ACOX3: variants seen among roughly 807,000 people sequenced by gnomAD.
ACOX3 encodes the protein acyl-CoA oxidase 3, pristanoyl.
A neutral mutation model predicts 81.5 loss-of-function variants in ACOX3; 73 were observed. The ratio of observed to expected loss-of-function variants is 0.90; its 90% CI spans 0.74 to 1.09. The LOEUF is 1.09. Ranked by LOEUF, ACOX3 falls within the 50% of genes least tolerant of loss-of-function variation. The pLI is 0.00. For synonymous variants in ACOX3, 387 were observed against 375.1 expected (o/e 1.03, Z -0.37); for missense variants, 947 against 928.0 (o/e 1.02, Z -0.27).
At chr4:8,396,116 G>A (rs1719661833) in intron 9 of ACOX3, among the ~76,000 whole-genome samples, 1 of 152,194 alleles carries the variant, frequency 6.6e-6, no homozygotes, top group South Asian at 2.1e-4. Context: ...CTGCATCTGT[G>A]CATGTCAACA....
At position 8,414,272 on chromosome 4, in the gene ACOX3, C is replaced by G. The variant is rs181404870; in HGVS notation, c.543+20G>C. 1.1e-5 allele frequency: 17 copies of G among 1,604,926 alleles called. 1 individual carries two copies. In the South Asian group the frequency reaches 1.9e-4, roughly 18 times the overall value. On this transcript the variant is annotated intron_variant, in intron 5 of 17. Transcript: ENST00000356406. This position sits in a 1 kb window ranked among gnomAD's most constrained non-coding sequence, Gnocchi z 6.1. ...CTCATATGCTCCAAACTCAGGGACC[C>G]GGGGGAAGGTAATACCTACCTCAGT...
At position 8,375,032 on chromosome 4, in the gene ACOX3, T is replaced by C. The variant is rs1158490632; in HGVS notation, c.1774A>G (p.Ser592Gly). 1.3e-6 allele frequency: 2 copies of C among 1,555,144 alleles called. No homozygotes were observed. Among genetic ancestry groups the C allele is most frequent in the Admixed American group, 3.9e-5 (2 of 51,192 alleles). ...AGGGACCACAGGGCGTACAGAGCAC[T>C]GAGCCGCCCCAGCACGGCCCGCAGC... is the stretch of plus-strand genomic sequence containing the variant. Reference protein sequence around the residue: ...PSLRAVLGRLSALYALWSLSR... With the variant: ...PSLRAVLGRLGALYALWSLSR... The change falls in exon 15 of 18, where the codon AGT becomes GGT. Residue 592 changes from serine to glycine, a missense_variant. Coordinates refer to ENST00000356406, the MANE Select transcript of ACOX3 (RefSeq NM_003501.3).
intron 11 of ACOX3, among the ~76,000 whole-genome samples, chr4:8,390,018 G>A (rs888417000): frequency 1.3e-5 from 2 of 150,656 alleles, no homozygotes; most frequent in Non-Finnish European, 2.9e-5. Flanking sequence ...CAGGAGAATC[G>A]CTTGAGCCTG....
Position 8,431,540 on chromosome 4 carries a change from G to A in ACOX3, c.-15+9108C>T, listed in dbSNP as rs540326971. On this transcript the variant is annotated intron_variant, in intron 1 of 17. Transcript: ENST00000356406. The surrounding 1 kb of genome is among the most constrained non-coding windows in gnomAD (Gnocchi z 5.3). The stretch of plus-strand genomic sequence containing the variant: ...ACACTCTGTTGTATTTGGGACCTGG[G>A]TGGATGGAGATGCCACTGGGACTGA... Among the ~76,000 whole-genome samples, 54 of 152,376 alleles carry A rather than the reference G, an allele frequency of 3.5e-4. No homozygotes were observed. The highest frequency in any genetic ancestry group is 1.3e-3 in the African/African-American group (54 of 41,588).
At position 8,366,930 on chromosome 4, in the gene ACOX3, A is replaced by C. The variant is rs193113280; in HGVS notation, c.*31T>G. The stretch of plus-strand genomic sequence containing the variant: ...ACGTCTGATTAGTTCCCTTCGTTTC[A>C]TTAGACTTGGCTGAATGTGTGCCAG... On this transcript the variant is annotated 3_prime_UTR_variant, in exon 18 of 18. Transcript: ENST00000356406. 1 of 1,611,882 alleles carries C rather than the reference A, an allele frequency of 6.2e-7. No individual in the cohort carries two copies. Among genetic ancestry groups the C allele is most frequent in the East Asian group, 2.2e-5 (1 of 44,800 alleles).
Position 8,418,625 on chromosome 4 carries a change from C to T in ACOX3, c.-14-2090G>A, listed in dbSNP as rs189133568. Reference sequence around the variant, plus strand: ...CACACCTGTAATCCCTTTGGGAGGCCGAGACGGGCGGATCACCTGAGGTCA... The same window carrying T: ...CACACCTGTAATCCCTTTGGGAGGCTGAGACGGGCGGATCACCTGAGGTCA... On this transcript the variant is annotated intron_variant, in intron 1 of 17. Transcript: ENST00000356406. Among the ~76,000 whole-genome samples the T allele has an allele frequency of 2.9e-3, 438 of 152,220 alleles. 1 individual carries two copies. The highest frequency in any genetic ancestry group is 9.8e-3 in the African/African-American group (405 of 41,532).
At position 8,375,109 on chromosome 4, in the gene ACOX3, G is replaced by A. The variant is rs777391640; in HGVS notation, c.1697C>T (p.Thr566Met). The A allele has an allele frequency of 2.6e-6, 4 of 1,554,744 alleles. No individual in the cohort carries two copies. Among genetic ancestry groups the A allele is most frequent in the South Asian group, 2.4e-5 (2 of 84,404 alleles). ...GTGCTCGTGGAACCTCTGGACCACC[G>A]TGAGCTCCACGAAGGCCAGCGCCAA... ...RPLALAFVEL[T>M]VVQRFHEHVH... Residue 566 changes from threonine (T) to methionine (M), a missense_variant, in exon 15 of 18, where the codon ACG (threonine) becomes ATG (methionine). Transcript: ENST00000356406.
Position 8,366,862 on chromosome 4 carries a change from A to C in ACOX3, c.*99T>G. The C allele has an allele frequency of 1.3e-6, 2 of 1,516,740 alleles. No individual in the cohort carries two copies. The highest frequency in any genetic ancestry group is 2.7e-5 in the African/African-American group (2 of 73,054). The allele number at this position is 1,516,740 out of a possible 1,614,324, so 94.0% of individuals were successfully genotyped here. A position where few individuals can be genotyped will look rare whatever the true frequency, so the allele number is the denominator to read the frequency against. On this transcript the variant is annotated 3_prime_UTR_variant, in exon 18 of 18. Coordinates refer to ENST00000356406, the MANE Select transcript of ACOX3 (RefSeq NM_003501.3). ...GCGCACAGGTGCGGGCTCAGAAAGC[A>C]GCAGCAATCTCCGGCGTGTTCTGGA...
rs1721142523 is a variant in ACOX3 at position 8,407,623 on chromosome 4, G to A, written c.688-1580C>T. ...GGCCGGTGCTGCCGGGAGGACGTCGGGAATTTCATATTCACGTTTTAGACA... is the reference window on the plus strand; with the variant it reads ...GGCCGGTGCTGCCGGGAGGACGTCGAGAATTTCATATTCACGTTTTAGACA... On this transcript the variant is annotated intron_variant, in intron 6 of 17. Transcript: ENST00000356406. This position sits in a 1 kb window ranked among gnomAD's most constrained non-coding sequence, Gnocchi z 4.6. 6.6e-6 allele frequency among the ~76,000 whole-genome samples: 1 copy of A among 152,200 alleles called. No individual in the cohort carries two copies. Among genetic ancestry groups the A allele is most frequent in the African/African-American group, 2.4e-5 (1 of 41,430 alleles).
chr4:8,426,732 C>T, intron 1 of ACOX3, among the ~76,000 whole-genome samples: 1 of 152,088 alleles, frequency 6.6e-6, no homozygotes, highest in Non-Finnish European at 1.5e-5. Context: ...CATTTCAATC[C>T]CTGTATCTTT....
At chr4:8,357,068 G>T in the ACOX3 span, 3 of 456,020 alleles carry the variant, frequency 6.6e-6, no homozygotes, top group Admixed American at 2.4e-5. Context: ...GGAGAACGGT[G>T]CACGCTTACA....
chr4:8,367,118 A>C (rs752710177), intron 17 of ACOX3, 38 bp from the exon 18 acceptor site: 3 of 1,603,244 alleles, frequency 1.9e-6, no homozygotes, highest in Middle Eastern at 3.3e-4. Flanking sequence ...AAGACAAAGA[A>C]ATAAGAAGGA....
chr4:8,373,656 G>T, intron 15 of ACOX3, 28 bp from the exon 16 acceptor site: 1 of 1,601,898 alleles, frequency 6.2e-7, no homozygotes, highest in Non-Finnish European at 8.5e-7. Context: ...GTCACATGGG[G>T]GCTGGGTCCA....
At chr4:8,373,492 G>A in intron 16 of ACOX3, 69 bp downstream of exon 16, 1 of 1,522,726 alleles carries the variant, frequency 6.6e-7, no homozygotes, top group Non-Finnish European at 9.0e-7. Context: ...GTGATGCTAA[G>A]GGGATGCGTG....
rs538899358 is a variant in ACOX3, at chr4:8,398,940, G to A, written c.873+616C>T. ...CCGTTTGTGAGCAGCTCCTGGTCTC[G>A]TGTTGCTGTTCCCACTCTGCGCACC... On this transcript the variant is annotated intron_variant, in intron 8 of 17. Coordinates refer to ENST00000356406, the MANE Select transcript of ACOX3 (RefSeq NM_003501.3). Among the ~76,000 whole-genome samples, 8 of 152,160 alleles carry A rather than the reference G, an allele frequency of 5.3e-5. No individual in the cohort carries two copies. The East Asian group carries it at 7.7e-4, about 15-fold the overall frequency.
At chr4:8,391,758 C>A (rs1719020711) in intron 11 of ACOX3, among the ~76,000 whole-genome samples, 1 of 152,152 alleles carries the variant, frequency 6.6e-6, no homozygotes, top group Admixed American at 6.5e-5. Flanking sequence ...GCAACCTGCC[C>A]ACAGTTACCA....
chr4:8,430,273 C>G lies in ACOX3; in HGVS notation c.-15+10375G>C, dbSNP rs552369734. ...GATCATTTCGGGCCTGGCAGGTACC[C>G]TGCTAAGCAGTCGGAAGTGATCCTT... On this transcript the variant is annotated intron_variant, in intron 1 of 17. Transcript: ENST00000356406. This position sits in a 1 kb window ranked among gnomAD's most constrained non-coding sequence, Gnocchi z 5.2. Among the ~76,000 whole-genome samples, 32 of 152,346 alleles carry G rather than the reference C, an allele frequency of 2.1e-4. No homozygotes were observed. The highest frequency in any genetic ancestry group is 1.4e-3 in the Admixed American group (21 of 15,308).
chr4:8,366,870 T>C lies in ACOX3; in HGVS notation c.*91A>G. ...GTGCGGGCTCAGAAAGCAGCAGCAA[T>C]CTCCGGCGTGTTCTGGAATCAGAAG... On this transcript the variant is annotated 3_prime_UTR_variant, in exon 18 of 18. Transcript: ENST00000356406. 2 of 1,536,694 alleles carry C rather than the reference T, an allele frequency of 1.3e-6. No homozygotes were observed. Among genetic ancestry groups the C allele is most frequent in the South Asian group, 2.4e-5 (2 of 85,074 alleles).
intron 6 of ACOX3, 80 bp downstream of exon 6, chr4:8,410,132 T>C (rs1721559881): frequency 4.0e-6 from 6 of 1,516,006 alleles, no homozygotes; most frequent in Admixed American, 2.1e-5. Flanking sequence ...ACCCTTGTTA[T>C]GACAAAAATG....
Sources: gnomAD v4.1 joint callset for allele counts (sites outside exome capture counted in the v4.1 genomes callset) on GRCh38, gnomAD v4.1.1 for gene constraint, Gnocchi (gnomAD v3.1) non-coding constraint, MANE v1.5 for transcripts, NCBI Gene and HGNC (gene_info 2026-07-23, HGNC 2026-07-21) for gene names.